Variants in COL21A1 observed in about 807,000 individuals in gnomAD.
The protein encoded by COL21A1 is collagen alpha-1(XXI) chain.
A neutral mutation model predicts 137.9 loss-of-function variants in COL21A1; 149 were observed. That is an observed-to-expected ratio of 1.08 (90% CI 0.95 to 1.24). COL21A1 has a LOEUF of 1.24. Among genes scored for constraint, COL21A1 ranks in the 50% most tolerant of loss-of-function variants. The pLI is 0.00. For synonymous variants in COL21A1, 456 were observed against 391.5 expected (o/e 1.16, Z -1.95); for missense variants, 1,167 against 1,158.4 (o/e 1.01, Z -0.11).
intron 1 of COL21A1, among the ~76,000 whole-genome samples, chr6:56,324,594 G>A (rs1764954540): frequency 6.6e-6 from 1 of 152,008 alleles, no homozygotes; most frequent in Non-Finnish European, 1.5e-5. Flanking sequence ...GCTGGGAGTA[G>A]TACCCACCCT....
intron 1 of COL21A1, among the ~76,000 whole-genome samples, chr6:56,322,884 C>CA (rs386407164): frequency 0.4 from 51,928 of 129,442 alleles, 11,076 homozygotes; most frequent in East Asian, 0.63. Flanking sequence ...CCTCTGCTAT[C>CA]AAAAAAAAAA....
intron 1 of COL21A1, among the ~76,000 whole-genome samples, chr6:56,196,056 T>C (rs1213680491): frequency 6.6e-6 from 1 of 152,164 alleles, no homozygotes; most frequent in East Asian, 1.9e-4. Context: ...GATGCAAGGA[T>C]GGTCCAACAT....
In COL21A1 at chr6:56,059,662, GA is replaced by G. The variant is rs764316025; in HGVS notation, c.2608+355del. On this transcript the variant is annotated intron_variant, in intron 28 of 29. Transcript: ENST00000244728. ...ACAAAACTTATTTTTTCCTATAATAGAAAAAAAAATGAATAAGGTAACAGTG... is the reference window on the plus strand; with the variant it reads ...ACAAAACTTATTTTTTCCTATAATAGAAAAAAAATGAATAAGGTAACAGTG... Among the ~76,000 whole-genome samples, 816 of 149,860 alleles carry G rather than the reference GA, an allele frequency of 5.4e-3. 8 individuals are homozygous for G. Among genetic ancestry groups the G allele is most frequent in the African/African-American group, 0.017 (689 of 40,902 alleles).
At chr6:56,209,802 T>C (rs1027616213) in intron 1 of COL21A1, among the ~76,000 whole-genome samples, 2 of 152,196 alleles carry the variant, frequency 1.3e-5, no homozygotes, top group African/African-American at 2.4e-5. Flanking sequence ...TTATAAATCA[T>C]TCTACTATAA....
intron 11 of COL21A1, 37 bp downstream of exon 11, chr6:56,141,893 A>T (rs1468983844): frequency 1.3e-6 from 2 of 1,580,718 alleles, no homozygotes; most frequent in East Asian, 4.7e-5. Flanking sequence ...TTCACTAAAA[A>T]TAAAATTTAT....
At chr6:56,292,391 A>ACCCCCC (rs35462264) in intron 1 of COL21A1, among the ~76,000 whole-genome samples, 49 of 125,306 alleles carry the variant, frequency 3.9e-4, no homozygotes, top group East Asian at 8.5e-4. Context: ...CAAAACAGGG[A>ACCCCCC]CCCCCCCCCT....
At chr6:56,328,845 G>A (rs1562059189) in intron 1 of COL21A1, among the ~76,000 whole-genome samples, 2 of 152,020 alleles carry the variant, frequency 1.3e-5, no homozygotes, top group Non-Finnish European at 2.9e-5. Flanking sequence ...GCTCACAGAC[G>A]GTCATTTTGG....
At chr6:56,226,892 G>A (rs1016241054) in intron 1 of COL21A1, among the ~76,000 whole-genome samples, 2 of 151,950 alleles carry the variant, frequency 1.3e-5, no homozygotes, top group Admixed American at 1.3e-4. Flanking sequence ...TACTTTCTTT[G>A]GATTTTTTTT....
In COL21A1 at chr6:56,060,956, C is replaced by T. The variant is rs775055829; in HGVS notation, c.2287G>A (p.Ala763Thr). ...TCCCCAGGTTGCCCCTTAGGACCTG[C>T]GGGCCCCATCAAGCCATCCACCCCA... The part of the protein sequence containing the change: ...ESGVDGLMGP[A>T]GPKGQPGDPG... Residue 763 changes from alanine to threonine, a missense_variant, in exon 26 of 30, where the codon GCA becomes ACA. By Grantham distance (58) the Ala-to-Thr change is moderately conservative (BLOSUM62 0). Coordinates refer to ENST00000244728, the MANE Select transcript of COL21A1 (RefSeq NM_030820.4). 2.6e-5 allele frequency: 42 copies of T among 1,607,892 alleles called. No homozygotes were observed. The East Asian group carries it at 3.2e-4, about 12-fold the overall frequency.
intron 29 of COL21A1, 57 bp downstream of exon 29, chr6:56,059,108 T>C: frequency 1.5e-6 from 2 of 1,308,750 alleles, no homozygotes; most frequent in South Asian, 2.4e-5. Context: ...AGATCTATGA[T>C]GACTTTTCTT....
At position 56,182,597 on chromosome 6, in the gene COL21A1, G is replaced by C. The variant is rs1777985948; in HGVS notation, c.22C>G (p.Leu8Val). The stretch of plus-strand genomic sequence containing the variant: ...AGAAGCAGCACCAAAACCATGCAGA[G>C]AAATGTAATATAGTGAGCCATGTTT... Reference protein sequence around the residue: MAHYITFLCMVLVLLLQN... With the variant: MAHYITFVCMVLVLLLQN... The change falls in exon 2 of 30, where the codon CTC becomes GTC. Residue 8 changes from leucine (L) to valine (V), a missense_variant. By Grantham distance (32) the Leu-to-Val change is conservative. Transcript: ENST00000244728. 1 of 1,604,000 alleles carries C rather than the reference G, an allele frequency of 6.2e-7. No individual in the cohort carries two copies. The highest frequency in any genetic ancestry group is 1.3e-5 in the African/African-American group (1 of 74,938).
At chr6:56,108,871 A>C (rs4374814) in intron 16 of COL21A1, among the ~76,000 whole-genome samples, 83,428 of 151,624 alleles carry the variant, frequency 0.55, 23,286 homozygotes, top group East Asian at 0.79. Flanking sequence ...ATAAAGAAGA[A>C]ATTATACAAA....
At chr6:56,290,000 G>A (rs1232708805) in intron 1 of COL21A1, among the ~76,000 whole-genome samples, 1 of 152,056 alleles carries the variant, frequency 6.6e-6, no homozygotes, top group East Asian at 1.9e-4. Flanking sequence ...CTGAATATGA[G>A]GCGGTTCCTA....
intron 1 of COL21A1, among the ~76,000 whole-genome samples, chr6:56,374,302 C>T (rs140705107): frequency 8.0e-4 from 122 of 152,184 alleles, no homozygotes; most frequent in African/African-American, 2.3e-3. Flanking sequence ...AATTTTTTTC[C>T]TATTTACCAG....
At chr6:56,349,888 T>C (rs1253826498) in intron 1 of COL21A1, among the ~76,000 whole-genome samples, 8 of 152,172 alleles carry the variant, frequency 5.3e-5, no homozygotes, top group Admixed American at 5.2e-4. Flanking sequence ...AGCAGCCTGA[T>C]GGGGGCCTGG....
chr6:56,085,390 A>G (rs1254072544), intron 17 of COL21A1, among the ~76,000 whole-genome samples: 1 of 152,058 alleles, frequency 6.6e-6, no homozygotes, highest in Non-Finnish European at 1.5e-5. Flanking sequence ...ATTTTTGTCA[A>G]TAAACAAAAC....
intron 1 of COL21A1, among the ~76,000 whole-genome samples, chr6:56,260,625 G>GAGGAAGGA (rs201224962): frequency 2.5e-5 from 2 of 79,972 alleles, no homozygotes; most frequent in African/African-American, 9.8e-5. Context: ...AAGAGAGAGA[G>GAGGAAGGA]AGGAAGGAAG....
intron 1 of COL21A1, among the ~76,000 whole-genome samples, chr6:56,340,663 T>C (rs1765446826): frequency 6.6e-6 from 1 of 152,162 alleles, no homozygotes; most frequent in African/African-American, 2.4e-5. Flanking sequence ...AAGTAGCAAT[T>C]TGGCTTTCCC....
chr6:56,061,752 A>G (rs947918015), intron 24 of COL21A1, 71 bp from the exon 25 acceptor site: 2 of 951,422 alleles, frequency 2.1e-6, no homozygotes, highest in South Asian at 1.7e-5. Flanking sequence ...TCCACCTTTT[A>G]CCACATACTT....
Sources: allele counts gnomAD v4.1 joint callset (sites outside exome capture counted in the v4.1 genomes callset), GRCh38; gene constraint gnomAD v4.1.1; transcripts MANE v1.5; gene names NCBI Gene and HGNC (gene_info 2026-07-23, HGNC 2026-07-21).